SLC6A13: variants seen among roughly 807,000 people sequenced by gnomAD.
The protein encoded by SLC6A13 is solute carrier family 6 member 13.
In SLC6A13, 69 loss-of-function variants were observed where a neutral mutation model predicts 72.9. The ratio of observed to expected loss-of-function variants is 0.95; its 90% CI spans 0.78 to 1.16. The LOEUF (loss-of-function observed/expected upper bound fraction) is 1.16. Among genes scored for constraint, SLC6A13 ranks in the 50% most tolerant of loss-of-function variants. The probability of loss-of-function intolerance (pLI) is 0.00; values close to 1 mark genes in which losing one functional copy is unlikely to be tolerated. For synonymous variants in SLC6A13, 303 were observed against 303.0 expected (o/e 1.00, Z 0.00); for missense variants, 735 against 760.5 (o/e 0.97, Z 0.39).
chr12:238,434 T>C (rs1160554929), intron 4 of SLC6A13: 3 of 809,736 alleles, frequency 3.7e-6, no homozygotes, highest in Non-Finnish European at 1.8e-6. Context: ...CCCACGGGTA[T>C]GAACTGTGCA....
At chr12:238,087 A>G (rs573766389) in intron 4 of SLC6A13, 77 bp from the exon 5 acceptor site, 1 of 1,586,124 alleles carries the variant, frequency 6.3e-7, no homozygotes, top group East Asian at 2.2e-5. Flanking sequence ...AGTGGGGTGA[A>G]ATTCTAGGAG....
At chr12:223,824 G>T in intron 11 of SLC6A13, 168 bp downstream of exon 11, 1 of 705,170 alleles carries the variant, frequency 1.4e-6, no homozygotes, top group Non-Finnish European at 2.3e-6. Flanking sequence ...GCCAGAGGAG[G>T]GACCTGCCTA....
chr12:238,327 C>T, intron 4 of SLC6A13: 6 of 1,353,580 alleles, frequency 4.4e-6, no homozygotes, highest in Non-Finnish European at 3.9e-6. Context: ...TGTAAGCGTC[C>T]TGTGCAAAGT....
intron 2 of SLC6A13, among the ~76,000 whole-genome samples, chr12:255,525 G>T (rs1234815542): frequency 6.6e-6 from 1 of 152,212 alleles, no homozygotes; most frequent in Non-Finnish European, 1.5e-5. Flanking sequence ...GCAAAACCTC[G>T]TCTCAACTAA....
intron 2 of SLC6A13, among the ~76,000 whole-genome samples, chr12:250,851 A>AAAAAAAC (rs1312714228): frequency 8.0e-5 from 12 of 150,804 alleles, no homozygotes; most frequent in Non-Finnish European, 1.5e-5. Flanking sequence ...AAAAAAAAAA[A>AAAAAAAC]ACCTAAAAAC....
chr12:226,878 C>T (rs1941481920), intron 8 of SLC6A13: 1 of 187,760 alleles, frequency 5.3e-6, no homozygotes, highest in Admixed American at 5.4e-5. Context: ...ATCTGGCATG[C>T]TAATGGGTAA....
intron 4 of SLC6A13, among the ~76,000 whole-genome samples, chr12:240,026 G>A (rs1169072730): frequency 1.3e-5 from 2 of 152,114 alleles, no homozygotes; most frequent in Non-Finnish European, 2.9e-5. Flanking sequence ...AAGCCCTGAA[G>A]CAAAAGCTCT....
In SLC6A13 at chr12:224,357, C is replaced by T. The variant is rs368158572; in HGVS notation, c.1173+44G>A. ...ATGGCTCCTCCTCCCCAGCACACAC[C>T]CCCCCACTCATCTCTCAGCCTCTGA... On this transcript the variant is annotated intron_variant, in intron 10 of 14. Transcript: ENST00000343164. The T allele has an allele frequency of 2.0e-6, 3 of 1,520,506 alleles. No homozygotes were observed. The Admixed American group carries it at 5.0e-5, about 25-fold the overall frequency. The allele number at this position is 1,520,506 out of a possible 1,614,324, so 94.2% of individuals were successfully genotyped here.
intron 1 of SLC6A13, among the ~76,000 whole-genome samples, chr12:260,321 T>C (rs1181350125): frequency 1.3e-5 from 2 of 152,168 alleles, no homozygotes; most frequent in Non-Finnish European, 2.9e-5. Context: ...AAGGCCCTCT[T>C]GGGTTGAGGA....
intron 12 of SLC6A13, 54 bp from the exon 13 acceptor site, chr12:222,686 G>A (rs1941263295): frequency 8.6e-7 from 1 of 1,156,260 alleles, no homozygotes; most frequent in African/African-American, 1.5e-5. Context: ...TTGGCACCCA[G>A]GACATCAGGA....
In SLC6A13 at chr12:220,845, C is replaced by T. The variant is rs958914656; in HGVS notation, c.*103G>A. On this transcript the variant is annotated 3_prime_UTR_variant, in exon 15 of 15. Transcript: ENST00000343164. ...CAAAATACCCCTCTTGTCTTATCCA[C>T]TCCAGGTCGGGGGCAGGGAAGCACA... is the stretch of plus-strand genomic sequence containing the variant. 2.2e-5 allele frequency: 32 copies of T among 1,455,456 alleles called. No individual in the cohort carries two copies. Among genetic ancestry groups the T allele is most frequent in the Middle Eastern group, 2.3e-4 (1 of 4,340 alleles). 90.2% of individuals were successfully genotyped at this position (1,455,456 alleles called of 1,614,324 possible). A position where few individuals can be genotyped will look rare whatever the true frequency, so the allele number is the denominator to read the frequency against.
At chr12:248,516 G>T (rs1942434021) in intron 2 of SLC6A13, among the ~76,000 whole-genome samples, 1 of 151,970 alleles carries the variant, frequency 6.6e-6, no homozygotes, top group Non-Finnish European at 1.5e-5. Context: ...TATTACCAAG[G>T]GTAAAGAAGG....
At chr12:223,488 C>T (rs181039524) in intron 11 of SLC6A13, among the ~76,000 whole-genome samples, 5 of 152,308 alleles carry the variant, frequency 3.3e-5, no homozygotes, top group African/African-American at 1.2e-4. Flanking sequence ...CATCTGAGAA[C>T]ACTTAGGCAC....
intron 7 of SLC6A13, 83 bp downstream of exon 7, chr12:235,007 G>T: frequency 6.5e-7 from 1 of 1,532,638 alleles, no homozygotes; most frequent in Non-Finnish European, 9.0e-7. Flanking sequence ...CTAGGTGCGG[G>T]GGTTCCCCGT....
At chr12:261,817 T>G (rs144638734) in intron 1 of SLC6A13, among the ~76,000 whole-genome samples, 1,637 of 151,730 alleles carry the variant, frequency 0.011, 14 homozygotes, top group Middle Eastern at 0.027. Flanking sequence ...TCCCAGCTAC[T>G]CAGGAGGCTG....
intron 7 of SLC6A13, among the ~76,000 whole-genome samples, chr12:231,426 T>C (rs1430211143): frequency 1.3e-5 from 2 of 152,164 alleles, no homozygotes; most frequent in African/African-American, 4.8e-5. Flanking sequence ...GTTAGAATGA[T>C]CACACTTCCT....
chr12:260,185 G>A, intron 1 of SLC6A13, 128 bp from the exon 2 acceptor site: 1 of 949,508 alleles, frequency 1.1e-6, no homozygotes, highest in Non-Finnish European at 1.6e-6. Context: ...TCCCTTCCCT[G>A]TAGACCATGT....
intron 10 of SLC6A13, 112 bp from the exon 11 acceptor site, chr12:224,241 T>G: frequency 6.9e-7 from 1 of 1,457,578 alleles, no homozygotes; most frequent in Non-Finnish European, 9.5e-7. Context: ...CTGTCTCAGG[T>G]CCCCTGAGCT....
rs2137326972 is a variant in SLC6A13, at chr12:259,848, C to T, written c.202+3G>A. On this transcript the variant is annotated splice_donor_region_variant and intron_variant, in intron 2 of 14. Coordinates refer to ENST00000343164, the MANE Select transcript of SLC6A13 (RefSeq NM_016615.5). Reference sequence around the variant, plus strand: ...TGGGGTGGCACAAGGGCTCTCATCTCACCTCCCCCATTTTTGTAGCAGAGA... The same window carrying T: ...TGGGGTGGCACAAGGGCTCTCATCTTACCTCCCCCATTTTTGTAGCAGAGA... 1 of 1,614,208 alleles carries T rather than the reference C, an allele frequency of 6.2e-7. No individual in the cohort carries two copies. Among genetic ancestry groups the T allele is most frequent in the Non-Finnish European group, 8.5e-7 (1 of 1,180,030 alleles).
Sources: allele counts gnomAD v4.1 joint callset (sites outside exome capture counted in the v4.1 genomes callset), GRCh38; gene constraint gnomAD v4.1.1; transcripts MANE v1.5; gene names NCBI Gene and HGNC (gene_info 2026-07-23, HGNC 2026-07-21).